RMND5A: variants seen among roughly 807,000 people sequenced by gnomAD.
RMND5A encodes required for meiotic nuclear division 5 homolog A, also known as E3 ubiquitin-protein transferase RMND5A.
RMND5A carries 17 observed loss-of-function variants against 49.7 expected under a neutral mutation model. The ratio of observed to expected loss-of-function variants is 0.34; its 90% confidence interval spans 0.23 to 0.51. The LOEUF is 0.51. RMND5A is among the 20% of genes least tolerant of loss of function. The pLI is 0.96. For synonymous variants in RMND5A, 156 were observed against 167.7 expected, an observed-to-expected ratio of 0.93 and a Z score of 0.54; for missense variants, 255 against 471.3, an observed-to-expected ratio of 0.54 and a Z score of 4.25.
chr2:86,753,368 C>T (rs1198808061), intron 3 of RMND5A, 90 bp from the exon 4 acceptor site: 1 of 730,986 alleles, frequency 1.4e-6, no homozygotes, highest in African/African-American at 1.8e-5. Context: ...ATGGCTTGCC[C>T]CATATTTTAC....
At chr2:86,768,260 A>T (rs1483363361) in intron 6 of RMND5A, among the ~76,000 whole-genome samples, 1 of 151,890 alleles carries the variant, frequency 6.6e-6, no homozygotes, top group East Asian at 1.9e-4. Context: ...TAAGAAAATA[A>T]CTCTTTTTTA....
intron 4 of RMND5A, among the ~76,000 whole-genome samples, chr2:86,761,789 A>G (rs1034279698): frequency 1.3e-5 from 2 of 152,166 alleles, no homozygotes; most frequent in Non-Finnish European, 2.9e-5. Flanking sequence ...ACTTTTCTAA[A>G]TATTTCTTGG....
At chr2:86,745,076 T>A (rs1291888203) in intron 2 of RMND5A, among the ~76,000 whole-genome samples, 1 of 152,092 alleles carries the variant, frequency 6.6e-6, no homozygotes, top group African/African-American at 2.4e-5. Flanking sequence ...TTTTAGATAA[T>A]CTAGAATTCA....
intron 2 of RMND5A, among the ~76,000 whole-genome samples, chr2:86,746,285 G>A (rs952222392): frequency 1.3e-5 from 2 of 152,108 alleles, no homozygotes; most frequent in Non-Finnish European, 2.9e-5. Flanking sequence ...GCATGCTTTC[G>A]TGTATTTGTT....
At chr2:86,772,849 C>T (rs757906798) in intron 8 of RMND5A, among the ~76,000 whole-genome samples, 4 of 152,094 alleles carry the variant, frequency 2.6e-5, no homozygotes, top group Non-Finnish European at 4.4e-5. Context: ...CCACCTCAGC[C>T]TCCCAGGTGT....
At chr2:86,767,425 C>CTTTTTTTTTTTTTTTTTT (rs11468234) in intron 6 of RMND5A, among the ~76,000 whole-genome samples, 1 of 139,522 alleles carries the variant, frequency 7.2e-6, no homozygotes, top group Non-Finnish European at 1.6e-5. Flanking sequence ...TTTTGGCAGT[C>CTTTTTTTTTTTTTTTTTT]TTTTTTTTTT....
chr2:86,764,137 G>T (rs1454033780), intron 4 of RMND5A, among the ~76,000 whole-genome samples: 1 of 152,198 alleles, frequency 6.6e-6, no homozygotes, highest in East Asian at 1.9e-4. Flanking sequence ...GAGTTACTGA[G>T]ATTTTGTATT....
chr2:86,745,098 GGTATTTTATTCA>G (rs546271482), intron 2 of RMND5A, among the ~76,000 whole-genome samples: 204 of 151,704 alleles, frequency 1.3e-3, no homozygotes, highest in African/African-American at 4.4e-3. Context: ...TCCAGTTTAG[GGTATTTTATTCA>G]GTATTTTATT....
chr2:86,769,706 T>G (rs558070639), intron 6 of RMND5A, among the ~76,000 whole-genome samples: 1 of 152,340 alleles, frequency 6.6e-6, no homozygotes, highest in African/African-American at 2.4e-5. Context: ...TTGCGTTCTT[T>G]AACTGCATTT....
chr2:86,760,618 A>G (rs769879837), intron 4 of RMND5A, among the ~76,000 whole-genome samples: 1 of 152,206 alleles, frequency 6.6e-6, no homozygotes, highest in Non-Finnish European at 1.5e-5. Context: ...AGTTACTCTC[A>G]GGCAACAGCT....
rs1379005550 is a variant in RMND5A at position 86,776,600 on chromosome 2, A to G, written c.*3189A>G. 1.3e-5 allele frequency: 2 copies of G among 152,178 alleles called. No homozygotes were observed. Among genetic ancestry groups the G allele is most frequent in the Admixed American group, 6.6e-5 (1 of 15,266 alleles). 9.4% of individuals were successfully genotyped at this position (152,178 alleles called of 1,614,324 possible). ...AGTGGCTTAGCCTTTGGGACAGTGG[A>G]TACTGCAACAGCCAAGAACTCTTGG... On this transcript the variant is annotated 3_prime_UTR_variant, in exon 9 of 9. Transcript: ENST00000283632.
At chr2:86,764,872 C>G (rs1672564189) in intron 4 of RMND5A, among the ~76,000 whole-genome samples, 155 bp from the exon 5 acceptor site, 1 of 152,086 alleles carries the variant, frequency 6.6e-6, no homozygotes, top group African/African-American at 2.4e-5. Flanking sequence ...TGGTTACTTT[C>G]CTGACAAAGG....
chr2:86,759,603 A>C (rs996389528), intron 4 of RMND5A, among the ~76,000 whole-genome samples: 3 of 146,880 alleles, frequency 2.0e-5, no homozygotes. Flanking sequence ...CTGCATTTTT[A>C]GTTTGCTTGC....
At chr2:86,754,137 A>G (rs912930154) in intron 4 of RMND5A, among the ~76,000 whole-genome samples, 2 of 152,260 alleles carry the variant, frequency 1.3e-5, no homozygotes, top group African/African-American at 4.8e-5. Context: ...AGGACCAAGT[A>G]GGAAATATTT....
At chr2:86,747,631 A>G (rs1009566968) in intron 2 of RMND5A, among the ~76,000 whole-genome samples, 9 of 152,234 alleles carry the variant, frequency 5.9e-5, no homozygotes, top group African/African-American at 1.9e-4. Flanking sequence ...TTCAAAATAC[A>G]TGTTAATACT....
chr2:86,745,305 A>G (rs888483086), intron 2 of RMND5A, among the ~76,000 whole-genome samples: 17 of 152,192 alleles, frequency 1.1e-4, no homozygotes, highest in African/African-American at 4.1e-4. Flanking sequence ...GCTGTTTTGT[A>G]TATGTAAAAT....
chr2:86,729,240 A>G (rs1429681211), intron 1 of RMND5A, among the ~76,000 whole-genome samples: 2 of 152,210 alleles, frequency 1.3e-5, no homozygotes, highest in East Asian at 3.8e-4. Context: ...GAAAGGGGGA[A>G]AAAACAAGAC....
At chr2:86,751,684 T>C (rs1030513365) in intron 2 of RMND5A, among the ~76,000 whole-genome samples, 2 of 152,126 alleles carry the variant, frequency 1.3e-5, no homozygotes, top group South Asian at 2.1e-4. Flanking sequence ...AAATCTACTT[T>C]AAAAAAACAT....
At chr2:86,772,266 G>A (rs1672695788) in intron 8 of RMND5A, among the ~76,000 whole-genome samples, 2 of 152,020 alleles carry the variant, frequency 1.3e-5, no homozygotes, top group South Asian at 2.1e-4. Flanking sequence ...TGGCTAACAC[G>A]GTGAAATCCC....
Sources: gnomAD v4.1 joint callset for allele counts (sites outside exome capture counted in the v4.1 genomes callset) on GRCh38, gnomAD v4.1.1 for gene constraint, MANE v1.5 for transcripts, NCBI Gene and HGNC (gene_info 2026-07-23, HGNC 2026-07-21) for gene names.